PEX3: variants seen among roughly 807,000 people sequenced by gnomAD.
The protein encoded by PEX3 is peroxin-3.
Under a neutral mutation model 55.8 loss-of-function variants are expected in PEX3, and 30 were observed. The observed-to-expected ratio is 0.54, with a 90% CI of 0.40 to 0.73. PEX3 has a LOEUF of 0.73. Among genes scored for constraint, PEX3 ranks in the 30% least tolerant of loss-of-function variants. The pLI, the probability that PEX3 is intolerant of heterozygous loss-of-function variation, is 0.00. For synonymous variants in PEX3, 135 were observed against 148.4 expected, an observed-to-expected ratio of 0.91 and a Z score of 0.66; for missense variants, 351 against 432.8, an observed-to-expected ratio of 0.81 and a Z score of 1.68.
rs1779978360 is a variant in PEX3, at chr6:143,465,389, C to T, written c.287+2392C>T. Among the ~76,000 whole-genome samples, 1 of 151,834 alleles carries T rather than the reference C, an allele frequency of 6.6e-6. No individual in the cohort carries two copies. Among genetic ancestry groups the T allele is most frequent in the Non-Finnish European group, 1.5e-5 (1 of 67,834 alleles). On this transcript the variant is annotated intron_variant, in intron 3 of 11. Coordinates refer to ENST00000367591, the MANE Select transcript of PEX3 (RefSeq NM_003630.3). This position sits in a 1 kb window ranked among gnomAD's most constrained non-coding sequence, Gnocchi z 4.7. ...GGGTAACTATTACTGTCTTCTCCCA[C>T]CAAAATCATCCCAAATAAAATACAG...
intron 4 of PEX3, among the ~76,000 whole-genome samples, chr6:143,468,566 A>G (rs1780022291): frequency 6.6e-6 from 1 of 152,172 alleles, no homozygotes; most frequent in Non-Finnish European, 1.5e-5. Flanking sequence ...CTTGTCTCAG[A>G]ACTGTTATCC....
At chr6:143,469,488 CTGTT>C (rs1047009518) in intron 4 of PEX3, among the ~76,000 whole-genome samples, 5 of 152,154 alleles carry the variant, frequency 3.3e-5, no homozygotes, top group African/African-American at 1.2e-4. Context: ...TGAGAAGTGT[CTGTT>C]CATATCCTTT....
chr6:143,480,463 G>A (rs1443511114), intron 10 of PEX3, among the ~76,000 whole-genome samples: 1 of 152,126 alleles, frequency 6.6e-6, no homozygotes, highest in Non-Finnish European at 1.5e-5. Flanking sequence ...GTACTTTCAT[G>A]TACAACCTAC....
chr6:143,471,616 G>A lies in PEX3; in HGVS notation c.578+5G>A. On this transcript the variant is annotated splice_donor_5th_base_variant and intron_variant, in intron 7 of 11. Transcript: ENST00000367591. The surrounding 1 kb of genome is among the most constrained non-coding windows in gnomAD (Gnocchi z 5.4). Reference sequence around the variant, plus strand: ...TGTGCAGAAGGTTTTAGGAAGGTAAGGCATTTTTCTTTGACTTTTCTGACT... The same window carrying A: ...TGTGCAGAAGGTTTTAGGAAGGTAAAGCATTTTTCTTTGACTTTTCTGACT... The A allele has an allele frequency of 6.2e-7, 1 of 1,607,146 alleles. No individual in the cohort carries two copies.
intron 10 of PEX3, among the ~76,000 whole-genome samples, chr6:143,480,323 G>C (rs1440046663): frequency 6.6e-6 from 1 of 152,134 alleles, no homozygotes; most frequent in Non-Finnish European, 1.5e-5. Context: ...TTTGCAAGTA[G>C]TGATACATAA....
rs1033108058 is a variant in PEX3 at position 143,454,212 on chromosome 6, A to G, written c.73+3097A>G. Reference sequence around the variant, plus strand: ...TCTGTCAGTTGTGGTATCACACATCATGTAACCTCTCAATTACTCCACTGT... The same window carrying G: ...TCTGTCAGTTGTGGTATCACACATCGTGTAACCTCTCAATTACTCCACTGT... On this transcript the variant is annotated intron_variant, in intron 1 of 11. Transcript: ENST00000367591. This position sits in a 1 kb window ranked among gnomAD's most constrained non-coding sequence, Gnocchi z 4.3. Among the ~76,000 whole-genome samples, 1 of 152,218 alleles carries G rather than the reference A, an allele frequency of 6.6e-6. No homozygotes were observed. The highest frequency in any genetic ancestry group is 1.5e-5 in the Non-Finnish European group (1 of 68,038).
Position 143,450,846 on chromosome 6 carries a change from T to G in PEX3, c.-197T>G, listed in dbSNP as rs184934783. The G allele has an allele frequency of 6.3e-5, 48 of 756,008 alleles. No individual in the cohort carries two copies. Among genetic ancestry groups the G allele is most frequent in the Middle Eastern group, 7.3e-4 (2 of 2,742 alleles). 46.8% of individuals were successfully genotyped at this position (756,008 alleles called of 1,614,324 possible). ...TGCGCGGCGGCAGCGGCAGAAAGCG[T>G]AGCTGCTTTGCTGTAGTCCACGCCC... On this transcript the variant is annotated 5_prime_UTR_variant, in exon 1 of 12. Transcript: ENST00000367591.
At position 143,471,489 on chromosome 6, in the gene PEX3, CATTT is replaced by C. The variant is rs768600934; in HGVS notation, c.523+45_523+48del. 1 of 1,559,110 alleles carries C rather than the reference CATTT, an allele frequency of 6.4e-7. No individual in the cohort carries two copies. Among genetic ancestry groups the C allele is most frequent in the South Asian group, 1.1e-5 (1 of 89,242 alleles). ...TGTGACTTTTATACTAATTTTAATT[CATTT>C]ATTTTTATTATTGAGGAATTTTTAA... On this transcript the variant is annotated intron_variant, in intron 6 of 11. Transcript: ENST00000367591. The surrounding 1 kb of genome is among the most constrained non-coding windows in gnomAD (Gnocchi z 5.4).
chr6:143,480,609 TTC>T (rs1158892867), intron 10 of PEX3, among the ~76,000 whole-genome samples: 1 of 152,244 alleles, frequency 6.6e-6, no homozygotes, highest in African/African-American at 2.4e-5. Flanking sequence ...ATATAAGTTT[TTC>T]TGTTTCATCT....
rs1477109241 is a variant in PEX3 at position 143,484,989 on chromosome 6, AT to A, written c.942-161del. On this transcript the variant is annotated intron_variant, in intron 10 of 11. Coordinates refer to ENST00000367591, the MANE Select transcript of PEX3 (RefSeq NM_003630.3). ...CCAAAAGAAATTGGTCATGATGTCA[AT>A]TAGAGTTGTTATTTCTAAGCGATAG... 62 of 610,658 alleles carry A rather than the reference AT, an allele frequency of 1.0e-4. No homozygotes were observed. The African/African-American group carries it at 1.1e-3, about 10-fold the overall frequency. 37.8% of individuals were successfully genotyped at this position (610,658 alleles called of 1,614,324 possible). A position where few individuals can be genotyped will look rare whatever the true frequency, so the allele number is the denominator to read the frequency against.
In PEX3 at chr6:143,484,946, GAT is replaced by G. The variant is rs148467225; in HGVS notation, c.942-203_942-202del. On this transcript the variant is annotated intron_variant, in intron 10 of 11. Coordinates refer to ENST00000367591, the MANE Select transcript of PEX3 (RefSeq NM_003630.3). ...TTTTTGGTAGACACAAAAAAACAAA[GAT>G]ATGTGTAAAAAAACGCCAAAAGAAA... is the stretch of plus-strand genomic sequence containing the variant. 3,298 of 541,608 alleles carry G rather than the reference GAT, an allele frequency of 6.1e-3. 77 individuals are homozygous for G. Among genetic ancestry groups the G allele is most frequent in the African/African-American group, 0.056 (2,944 of 52,476 alleles). 33.6% of individuals were successfully genotyped at this position (541,608 alleles called of 1,614,324 possible).
intron 3 of PEX3, among the ~76,000 whole-genome samples, chr6:143,467,117 A>G (rs1487125213): frequency 2.6e-5 from 4 of 152,036 alleles, no homozygotes; most frequent in African/African-American, 9.7e-5. Context: ...TCACACACAA[A>G]GAATTGGAAA....
In PEX3 at chr6:143,470,943, T is replaced by C; in HGVS notation, c.332-18T>C. On this transcript the variant is annotated intron_variant, in intron 4 of 11. Coordinates refer to ENST00000367591, the MANE Select transcript of PEX3 (RefSeq NM_003630.3). ...TGTATTAATCACAGTACCAAATGCT[T>C]TTCTTTTCTCTGTGAAGGTTTCACA... is the stretch of plus-strand genomic sequence containing the variant. The C allele has an allele frequency of 6.2e-7, 1 of 1,609,714 alleles. No individual in the cohort carries two copies. The highest frequency in any genetic ancestry group is 8.5e-7 in the Non-Finnish European group (1 of 1,176,734).
intron 1 of PEX3, among the ~76,000 whole-genome samples, chr6:143,452,717 G>T (rs1429183212): frequency 6.6e-6 from 1 of 152,200 alleles, no homozygotes. Flanking sequence ...AGGAAGAGTA[G>T]ATGACCGTGG....
In PEX3 at chr6:143,459,065, T is replaced by C; in HGVS notation, c.74-20T>C. On this transcript the variant is annotated intron_variant, in intron 1 of 11. Transcript: ENST00000367591. This position sits in a 1 kb window ranked among gnomAD's most constrained non-coding sequence, Gnocchi z 4.2. Reference sequence around the variant, plus strand: ...ATTTTTGGTACTCTAATGAATATAGTACTTTTTTAATGATTGTAGGAGTAT... The same window carrying C: ...ATTTTTGGTACTCTAATGAATATAGCACTTTTTTAATGATTGTAGGAGTAT... 6.5e-7 allele frequency: 1 copy of C among 1,527,816 alleles called. No homozygotes were observed. Among genetic ancestry groups the C allele is most frequent in the South Asian group, 1.1e-5 (1 of 89,236 alleles). 94.6% of individuals were successfully genotyped at this position (1,527,816 alleles called of 1,614,324 possible). A position where few individuals can be genotyped will look rare whatever the true frequency, so the allele number is the denominator to read the frequency against.
intron 8 of PEX3, among the ~76,000 whole-genome samples, chr6:143,473,046 T>C (rs960937894): frequency 6.6e-6 from 1 of 152,242 alleles, no homozygotes; most frequent in South Asian, 2.1e-4. Flanking sequence ...TGGTTTGCAC[T>C]CATTCTTTGT....
intron 10 of PEX3, among the ~76,000 whole-genome samples, chr6:143,481,353 C>A (rs161061): frequency 0.68 from 103,609 of 151,634 alleles, 35,720 homozygotes; most frequent in African/African-American, 0.76. Context: ...TTCAGAATGT[C>A]TCTCATTGAA....
Position 143,479,339 on chromosome 6 carries a change from A to AAC in PEX3, c.941+143_941+144dup. Reference sequence around the variant, plus strand: ...TTAACAAATTAAACTCTGTTAAACCAACAACTTCTTCACTAGCAGAAGCTC... The same window carrying AAC: ...TTAACAAATTAAACTCTGTTAAACCAACACAACTTCTTCACTAGCAGAAGCTC... On this transcript the variant is annotated intron_variant, in intron 10 of 11. Transcript: ENST00000367591. The surrounding 1 kb of genome is among the most constrained non-coding windows in gnomAD (Gnocchi z 4.6). The AAC allele has an allele frequency of 1.5e-6, 1 of 650,114 alleles. No homozygotes were observed. The highest frequency in any genetic ancestry group is 2.7e-6 in the Non-Finnish European group (1 of 363,686). The allele number at this position is 650,114 out of a possible 1,614,324, so 40.3% of individuals were successfully genotyped here.
chr6:143,479,098 A>G lies in PEX3; in HGVS notation c.841A>G (p.Asn281Asp), dbSNP rs1780192520. ...LESPDFSTVL[N>D]TCLNRGFSRL... Reference sequence around the variant, plus strand: ...TAGCCCAGATTTTAGTACAGTTTTGAATACCTGTTTAAACCGAGGTTTTAG... The same window carrying G: ...TAGCCCAGATTTTAGTACAGTTTTGGATACCTGTTTAAACCGAGGTTTTAG... The change falls in exon 10 of 12, where the codon AAT (asparagine) becomes GAT (aspartate). Residue 281 changes from asparagine (N) to aspartate (D), a missense_variant. Asn to Asp is a conservative substitution (Grantham distance 23). Transcript: ENST00000367591. The surrounding 1 kb of genome is among the most constrained non-coding windows in gnomAD (Gnocchi z 4.6). 1.8e-5 allele frequency: 28 copies of G among 1,580,208 alleles called. No homozygotes were observed. Among genetic ancestry groups the G allele is most frequent in the Non-Finnish European group, 2.4e-5 (28 of 1,149,392 alleles).
Sources: allele counts gnomAD v4.1 joint callset (sites outside exome capture counted in the v4.1 genomes callset), GRCh38; gene constraint gnomAD v4.1.1; non-coding constraint Gnocchi (gnomAD v3.1); transcripts MANE v1.5; gene names NCBI Gene and HGNC (gene_info 2026-07-23, HGNC 2026-07-21).